Variants in PREX2 observed in about 807,000 individuals in gnomAD.
The protein encoded by PREX2 is phosphatidylinositol-3,4,5-trisphosphate dependent Rac exchange factor 2, also known as phosphatidylinositol 3,4,5-trisphosphate-dependent Rac exchanger 2 protein.
In PREX2, 107 loss-of-function variants were observed where a neutral mutation model predicts 203.2. The ratio of observed to expected loss-of-function variants is 0.53; its 90% CI spans 0.45 to 0.62. The LOEUF (loss-of-function observed/expected upper bound fraction) is 0.62. Among genes scored for constraint, PREX2 ranks in the 20% least tolerant of loss-of-function variants. The pLI is 0.00. For missense variants in PREX2, 1,777 were observed against 1,955.9 expected, an observed-to-expected ratio of 0.91 and a Z score of 1.72; for synonymous variants, 672 against 663.6, an observed-to-expected ratio of 1.01 and a Z score of -0.19.
intron 18 of PREX2, among the ~76,000 whole-genome samples, chr8:68,086,403 G>A (rs1809693339): frequency 6.6e-6 from 1 of 152,120 alleles, no homozygotes; most frequent in South Asian, 2.1e-4. Context: ...CTGCAGATAA[G>A]TCCTGCTGTA....
chr8:68,182,474 G>C (rs1202042193), intron 35 of PREX2, among the ~76,000 whole-genome samples: 1 of 152,024 alleles, frequency 6.6e-6, no homozygotes, highest in Admixed American at 6.6e-5. Flanking sequence ...AATGTTAATG[G>C]AGTTGTAGCT....
At chr8:68,103,008 GTTC>G (rs757763792) in intron 23 of PREX2, 10 of 499,840 alleles carry the variant, frequency 2.0e-5, no homozygotes, top group Non-Finnish European at 4.0e-5. Flanking sequence ...TTTTACATTT[GTTC>G]TTCTGCTTTA....
At chr8:68,181,289 G>T (rs1812080059) in intron 35 of PREX2, among the ~76,000 whole-genome samples, 2 of 152,054 alleles carry the variant, frequency 1.3e-5, no homozygotes, top group Admixed American at 1.3e-4. Context: ...TTCTCTTACG[G>T]TATTCACAAT....
At chr8:68,028,344 T>G (rs1316624820) in intron 5 of PREX2, among the ~76,000 whole-genome samples, 1 of 151,934 alleles carries the variant, frequency 6.6e-6, no homozygotes, top group East Asian at 1.9e-4. Context: ...TTCATATCTA[T>G]TTGATTCCGA....
At chr8:67,997,239 C>T (rs571133904) in intron 1 of PREX2, among the ~76,000 whole-genome samples, 2 of 152,168 alleles carry the variant, frequency 1.3e-5, no homozygotes, top group African/African-American at 2.4e-5. Flanking sequence ...CTGTTTCTCT[C>T]TTCTTTTTTT....
intron 35 of PREX2, among the ~76,000 whole-genome samples, chr8:68,176,377 T>C (rs990797618): frequency 5.3e-5 from 8 of 152,004 alleles, no homozygotes; most frequent in Non-Finnish European, 1.0e-4. Context: ...TTTGGGTAAA[T>C]ATGAAATTTC....
At chr8:67,968,497 G>T (rs1368430852) in intron 1 of PREX2, among the ~76,000 whole-genome samples, 1 of 152,176 alleles carries the variant, frequency 6.6e-6, no homozygotes, top group Non-Finnish European at 1.5e-5. Context: ...ATAGGAATGG[G>T]TGAATAATTA....
At chr8:68,106,510 G>A (rs576829435) in intron 23 of PREX2, among the ~76,000 whole-genome samples, 82 of 152,064 alleles carry the variant, frequency 5.4e-4, no homozygotes, top group African/African-American at 2.0e-3. Context: ...GATTCCTACT[G>A]TGCGCTGGCA....
chr8:67,975,346 A>C (rs1388787986), intron 1 of PREX2, among the ~76,000 whole-genome samples: 1 of 142,046 alleles, frequency 7.0e-6, no homozygotes, highest in East Asian at 2.1e-4. Flanking sequence ...TTGCTATATA[A>C]GTACCTGTAG....
intron 1 of PREX2, among the ~76,000 whole-genome samples, chr8:67,974,391 T>G (rs1039213024): frequency 1.4e-5 from 2 of 146,188 alleles, no homozygotes; most frequent in Non-Finnish European, 3.0e-5. Context: ...TCTCATAAAC[T>G]TGATTTTAAA....
Position 67,952,885 on chromosome 8 carries a change from A to G in PREX2, c.141+350A>G, listed in dbSNP as rs560448390. ...TCTGCTCAAGTGCACTGTGTAATTG[A>G]TTTTCCTTCTTGTTCTTTCCTGGAG... On this transcript the variant is annotated intron_variant, in intron 1 of 39. Transcript: ENST00000288368. Among the ~76,000 whole-genome samples the G allele has an allele frequency of 2.6e-5, 4 of 151,920 alleles. No homozygotes were observed. The East Asian group carries it at 7.8e-4, about 29-fold the overall frequency.
intron 32 of PREX2, among the ~76,000 whole-genome samples, 172 bp from the exon 33 acceptor site, chr8:68,138,243 G>A (rs1164825825): frequency 6.6e-6 from 1 of 152,064 alleles, no homozygotes; most frequent in Non-Finnish European, 1.5e-5. Context: ...TAAGAGATTT[G>A]TTCATTTCAT....
Position 68,009,394 on chromosome 8 carries a change from C to T in PREX2, c.142-8452C>T, listed in dbSNP as rs779899644. ...TGTTGTTCAAGTGATCTGATATCAA[C>T]GTAAATTCCTGACCAGCACAATATG... On this transcript the variant is annotated intron_variant, in intron 1 of 39. Coordinates refer to ENST00000288368, the MANE Select transcript of PREX2 (RefSeq NM_024870.4). 2.2e-4 allele frequency among the ~76,000 whole-genome samples: 33 copies of T among 152,210 alleles called. 1 individual carries two copies. Among genetic ancestry groups the T allele is most frequent in the East Asian group, 5.8e-4 (3 of 5,184 alleles).
At chr8:68,093,755 T>C in intron 21 of PREX2, 33 bp downstream of exon 21, 1 of 1,181,250 alleles carries the variant, frequency 8.5e-7, no homozygotes, top group Non-Finnish European at 1.3e-6. Flanking sequence ...CATGTGCTTA[T>C]AGTATTCTTT....
chr8:67,987,152 CAAAAAAAAAAAA>C (rs57315665), intron 1 of PREX2, among the ~76,000 whole-genome samples: 4 of 55,108 alleles, frequency 7.3e-5, no homozygotes, highest in Non-Finnish European at 1.3e-4. Flanking sequence ...GACTTCATCT[CAAAAAAAAAAAA>C]AAAAAAAAAA....
At chr8:68,128,316 T>A (rs1810936570) in intron 31 of PREX2, among the ~76,000 whole-genome samples, 1 of 152,236 alleles carries the variant, frequency 6.6e-6, no homozygotes, top group South Asian at 2.1e-4. Flanking sequence ...GATTTGTTCC[T>A]AAAAAATATA....
chr8:68,167,060 G>A (rs1347839045), intron 35 of PREX2, among the ~76,000 whole-genome samples: 2 of 152,126 alleles, frequency 1.3e-5, no homozygotes, highest in Non-Finnish European at 2.9e-5. Context: ...TAAGAAAATG[G>A]GTCTACATCA....
chr8:68,134,169 A>T lies in PREX2; in HGVS notation c.3877A>T (p.Ser1293Cys). ...MAALNQMFDNSKENEMETWEA... is the reference protein window; with the variant it reads ...MAALNQMFDNCKENEMETWEA... ...GGCCTTGAACCAGATGTTTGACAAC[A>T]GCAAGGAAAATGAGATGGAAACTTG... Residue 1293 changes from serine (S) to cysteine (C), a missense_variant, in exon 32 of 40, where the codon AGC becomes TGC. Physicochemically the swap from Ser to Cys is moderately radical, Grantham distance 112. Coordinates refer to ENST00000288368, the MANE Select transcript of PREX2 (RefSeq NM_024870.4). 6.2e-7 allele frequency: 1 copy of T among 1,614,142 alleles called. No homozygotes were observed. The highest frequency in any genetic ancestry group is 8.5e-7 in the Non-Finnish European group (1 of 1,179,996).
chr8:67,970,344 C>T (rs766721384), intron 1 of PREX2, among the ~76,000 whole-genome samples: 4 of 152,140 alleles, frequency 2.6e-5, no homozygotes, highest in Non-Finnish European at 4.4e-5. Flanking sequence ...CCCAAACCAC[C>T]AAACCTAAAA....
Sources: allele counts gnomAD v4.1 joint callset (sites outside exome capture counted in the v4.1 genomes callset), GRCh38; gene constraint gnomAD v4.1.1; transcripts MANE v1.5; gene names NCBI Gene and HGNC (gene_info 2026-07-23, HGNC 2026-07-21).